The following SH2D4B variants were observed in gnomAD, a reference collection of about 807,000 sequenced individuals.
SH2D4B encodes the protein SH2 domain-containing protein 4B.
In SH2D4B, 45 loss-of-function variants were observed where a neutral mutation model predicts 61.5. The ratio of observed to expected loss-of-function variants is 0.73; its 90% CI spans 0.58 to 0.94. SH2D4B has a LOEUF of 0.94. SH2D4B is among the 40% of genes least tolerant of loss of function. SH2D4B has a pLI of 0.00. For synonymous variants in SH2D4B, 224 were observed against 220.4 expected (o/e 1.02, Z -0.14); for missense variants, 572 against 574.2 (o/e 1.00, Z 0.04).
At chr10:80,630,912 G>A (rs1038232829) in intron 6 of SH2D4B, among the ~76,000 whole-genome samples, 3 of 152,200 alleles carry the variant, frequency 2.0e-5, no homozygotes, top group African/African-American at 7.2e-5. Flanking sequence ...CTGAGCCTGG[G>A]CTCTGCTGGA....
At chr10:80,589,066 C>T (rs1259996175) in intron 4 of SH2D4B, among the ~76,000 whole-genome samples, 3 of 151,348 alleles carry the variant, frequency 2.0e-5, no homozygotes, top group East Asian at 2.0e-4. Context: ...TGCAATGGTG[C>T]GATCTCAGCT....
intron 5 of SH2D4B, among the ~76,000 whole-genome samples, chr10:80,609,180 T>G (rs1842560147): frequency 1.3e-5 from 2 of 152,154 alleles, no homozygotes; most frequent in Non-Finnish European, 2.9e-5. Context: ...GATGGTACAT[T>G]ATAATCTGCA....
chr10:80,538,671 C>G lies in SH2D4B; in HGVS notation c.184+156C>G, dbSNP rs943526825. 6.6e-6 allele frequency among the ~76,000 whole-genome samples: 1 copy of G among 152,170 alleles called. No homozygotes were observed. Among genetic ancestry groups the G allele is most frequent in the Admixed American group, 6.5e-5 (1 of 15,286 alleles). ...TCTTGTGGGCATCAGGTCCCATGAGCCTGTGCTTTTGCCTTTTGGCCAGGA... is the reference window on the plus strand; with the variant it reads ...TCTTGTGGGCATCAGGTCCCATGAGGCTGTGCTTTTGCCTTTTGGCCAGGA... On this transcript the variant is annotated intron_variant, in intron 1 of 7. Transcript: ENST00000646907. This position sits in a 1 kb window ranked among gnomAD's most constrained non-coding sequence, Gnocchi z 4.8.
At chr10:80,627,479 C>T (rs1251112678) in intron 6 of SH2D4B, among the ~76,000 whole-genome samples, 2 of 152,038 alleles carry the variant, frequency 1.3e-5, no homozygotes, top group Admixed American at 1.3e-4. Flanking sequence ...CCCTCCTTGC[C>T]TTGCCCCCTC....
chr10:80,580,893 C>T (rs765649895), intron 3 of SH2D4B, among the ~76,000 whole-genome samples: 1 of 152,078 alleles, frequency 6.6e-6, no homozygotes, highest in African/African-American at 2.4e-5. Flanking sequence ...GGAGTCTTTG[C>T]GTGTCTGGCC....
chr10:80,616,600 C>CTG (rs10639530), intron 6 of SH2D4B, among the ~76,000 whole-genome samples: 82,902 of 151,862 alleles, frequency 0.55, 24,559 homozygotes, highest in African/African-American at 0.77. Flanking sequence ...CTGTATGGGG[C>CTG]TGTCTGTCTG....
Position 80,570,829 on chromosome 10 carries a change from T to C in SH2D4B, c.347+513T>C, listed in dbSNP as rs752154426. 3.2e-4 allele frequency among the ~76,000 whole-genome samples: 49 copies of C among 152,312 alleles called. 2 individuals carry two copies. The highest frequency in any genetic ancestry group is 6.8e-3 in the Middle Eastern group (2 of 294). On this transcript the variant is annotated intron_variant, in intron 2 of 7. Transcript: ENST00000646907. ...ATAAAAATAATCTGACAAGCATCTTTTACATGCATCTTTGTTTTATTTACT... is the reference window on the plus strand; with the variant it reads ...ATAAAAATAATCTGACAAGCATCTTCTACATGCATCTTTGTTTTATTTACT...
Position 80,644,627 on chromosome 10 carries a change from C to A in SH2D4B, c.*542C>A, listed in dbSNP as rs1046836169. 6.6e-6 allele frequency: 1 copy of A among 152,250 alleles called. No homozygotes were observed. Among genetic ancestry groups the A allele is most frequent in the East Asian group, 1.9e-4 (1 of 5,202 alleles). The allele number at this position is 152,250 out of a possible 1,614,324, so 9.4% of individuals were successfully genotyped here. On this transcript the variant is annotated 3_prime_UTR_variant, in exon 8 of 8. Transcript: ENST00000646907. Reference sequence around the variant, plus strand: ...GCATCTTTCATAATCTCCATTATCACCCTCATTGATATTATCATTGGAATT... The same window carrying A: ...GCATCTTTCATAATCTCCATTATCAACCTCATTGATATTATCATTGGAATT...
At chr10:80,596,586 C>T (rs1183936887) in intron 4 of SH2D4B, among the ~76,000 whole-genome samples, 1 of 152,214 alleles carries the variant, frequency 6.6e-6, no homozygotes, top group Non-Finnish European at 1.5e-5. Flanking sequence ...ATTGGCCTCA[C>T]AGGCCTCCAG....
chr10:80,601,765 A>G (rs1369052409), intron 4 of SH2D4B, among the ~76,000 whole-genome samples: 2 of 152,218 alleles, frequency 1.3e-5, no homozygotes, highest in African/African-American at 2.4e-5. Flanking sequence ...TCTTTCAGGA[A>G]CAGGTCTACT....
intron 4 of SH2D4B, among the ~76,000 whole-genome samples, chr10:80,599,492 C>A (rs1032930353): frequency 2.0e-5 from 3 of 152,148 alleles, no homozygotes; most frequent in Admixed American, 2.0e-4. Flanking sequence ...TCAGGAATCC[C>A]TGGGGGCTTT....
intron 6 of SH2D4B, among the ~76,000 whole-genome samples, chr10:80,614,052 C>T (rs1184802100): frequency 6.6e-6 from 1 of 152,164 alleles, no homozygotes; most frequent in Non-Finnish European, 1.5e-5. Flanking sequence ...GGTAGAGGAA[C>T]AGAACCACCC....
intron 3 of SH2D4B, among the ~76,000 whole-genome samples, chr10:80,572,844 T>A (rs1375017314): frequency 2.0e-5 from 3 of 148,236 alleles, no homozygotes; most frequent in Admixed American, 1.4e-4. Flanking sequence ...GGTCTCGAAC[T>A]CCTGACTTTG....
intron 1 of SH2D4B, among the ~76,000 whole-genome samples, chr10:80,545,494 T>C (rs536748834): frequency 2.6e-5 from 4 of 152,114 alleles, no homozygotes; most frequent in Admixed American, 2.6e-4. Context: ...CTTCTCCCTT[T>C]TCTTCTTCTT....
At chr10:80,628,220 A>G (rs529960498) in intron 6 of SH2D4B, among the ~76,000 whole-genome samples, 39 of 152,158 alleles carry the variant, frequency 2.6e-4, no homozygotes, top group Non-Finnish European at 4.0e-4. Context: ...TCCCCACCCA[A>G]ATTTCATCTT....
chr10:80,634,620 G>A (rs2132162396), intron 7 of SH2D4B, 115 bp downstream of exon 7: 1 of 1,436,350 alleles, frequency 7.0e-7, no homozygotes, highest in South Asian at 1.4e-5. Flanking sequence ...GGGGCTGGAG[G>A]GTCTCAGAGA....
chr10:80,567,219 C>G (rs1402454808), intron 1 of SH2D4B, among the ~76,000 whole-genome samples: 3 of 152,170 alleles, frequency 2.0e-5, no homozygotes, highest in Non-Finnish European at 4.4e-5. Flanking sequence ...GAAAATGGCA[C>G]AAATCCCTTC....
At chr10:80,557,485 G>A (rs1467095092) in intron 1 of SH2D4B, among the ~76,000 whole-genome samples, 1 of 152,126 alleles carries the variant, frequency 6.6e-6, no homozygotes, top group East Asian at 1.9e-4. Flanking sequence ...GAATTTACCA[G>A]TAATGTCTTT....
chr10:80,603,953 G>C (rs1842485247), intron 5 of SH2D4B, among the ~76,000 whole-genome samples, 158 bp downstream of exon 5: 1 of 152,250 alleles, frequency 6.6e-6, no homozygotes, highest in Non-Finnish European at 1.5e-5. Flanking sequence ...GTAGGAGAGG[G>C]AGGAGAGATG....
Sources: allele counts gnomAD v4.1 joint callset (sites outside exome capture counted in the v4.1 genomes callset), GRCh38; gene constraint gnomAD v4.1.1; non-coding constraint Gnocchi (gnomAD v3.1); transcripts MANE v1.5; gene names NCBI Gene and HGNC (gene_info 2026-07-23, HGNC 2026-07-21).